CSMD1: variants seen among roughly 807,000 people sequenced by gnomAD.
CSMD1 encodes the protein CUB and sushi domain-containing protein 1.
Under a neutral mutation model 417.5 loss-of-function variants are expected in CSMD1, and 213 were observed. The ratio of observed to expected loss-of-function variants is 0.51; its 90% confidence interval spans 0.46 to 0.57. The LOEUF is 0.57. CSMD1 is among the 20% of genes least tolerant of loss of function. The probability of loss-of-function intolerance (pLI) is 0.00; values close to 1 mark genes in which losing one functional copy is unlikely to be tolerated. For missense variants in CSMD1, 6,923 were observed against 4,529.7 expected (o/e 1.53, Z -15.17); for synonymous variants, 2,862 against 1,736.8 (o/e 1.65, Z -16.11).
chr8:3,240,934 T>G (rs1247024927), intron 26 of CSMD1, among the ~76,000 whole-genome samples: 1 of 151,864 alleles, frequency 6.6e-6, no homozygotes, highest in Non-Finnish European at 1.5e-5. Flanking sequence ...CTTTAATCCT[T>G]TTAAAGCATG....
intron 3 of CSMD1, among the ~76,000 whole-genome samples, chr8:4,068,306 T>C (rs78264845): frequency 6.6e-6 from 1 of 152,104 alleles, no homozygotes; most frequent in Admixed American, 6.6e-5. Context: ...GGACAGTGTA[T>C]TGCGGGAGAG....
chr8:4,078,878 TTAA>T (rs1320779373), intron 3 of CSMD1, among the ~76,000 whole-genome samples: 10 of 126,658 alleles, frequency 7.9e-5, no homozygotes, highest in African/African-American at 2.3e-4. Context: ...TCTACTAAAA[TTAA>T]TAATAATAAT....
chr8:3,023,712 G>A (rs1302161597), intron 51 of CSMD1, among the ~76,000 whole-genome samples: 5 of 152,054 alleles, frequency 3.3e-5, no homozygotes, highest in Non-Finnish European at 5.9e-5. Context: ...AGGTGATCAA[G>A]GCTCACCTCT....
chr8:3,848,426 G>C (rs1010010439), intron 5 of CSMD1, among the ~76,000 whole-genome samples: 16 of 152,128 alleles, frequency 1.1e-4, no homozygotes, highest in African/African-American at 3.4e-4. Context: ...ACACAATTAG[G>C]AGTTATTTCA....
chr8:3,660,205 G>T (rs13281956), intron 7 of CSMD1, among the ~76,000 whole-genome samples: 1 of 151,980 alleles, frequency 6.6e-6, no homozygotes, highest in African/African-American at 2.4e-5. Flanking sequence ...TTGGGAGCCC[G>T]CAATTATCTA....
intron 3 of CSMD1, among the ~76,000 whole-genome samples, chr8:4,289,816 C>A (rs1797262752): frequency 6.6e-6 from 1 of 152,152 alleles, no homozygotes; most frequent in Non-Finnish European, 1.5e-5. Flanking sequence ...GCCATGTGTT[C>A]ACAAACTAAT....
At chr8:4,928,566 C>T (rs4433166) in intron 1 of CSMD1, among the ~76,000 whole-genome samples, 1 of 152,140 alleles carries the variant, frequency 6.6e-6, no homozygotes, top group Non-Finnish European at 1.5e-5. Flanking sequence ...TCCAGTCTTG[C>T]AGATGTGCAC....
At chr8:4,293,675 C>A (rs1797503918) in intron 3 of CSMD1, among the ~76,000 whole-genome samples, 1 of 152,086 alleles carries the variant, frequency 6.6e-6, no homozygotes, top group African/African-American at 2.4e-5. Context: ...TAAATAATAA[C>A]AATCATATCT....
chr8:4,017,422 C>G (rs1015355166), intron 4 of CSMD1, among the ~76,000 whole-genome samples: 2 of 152,134 alleles, frequency 1.3e-5, no homozygotes, highest in African/African-American at 4.8e-5. Context: ...TCTCCTGCCT[C>G]ACTCTTCCTG....
At chr8:4,274,044 G>A (rs1465240658) in intron 3 of CSMD1, among the ~76,000 whole-genome samples, 1 of 152,140 alleles carries the variant, frequency 6.6e-6, no homozygotes, top group Non-Finnish European at 1.5e-5. Context: ...TAAATGCAGA[G>A]TTGAAGTAAG....
At chr8:3,894,909 A>C (rs984140174) in intron 5 of CSMD1, among the ~76,000 whole-genome samples, 3 of 152,204 alleles carry the variant, frequency 2.0e-5, no homozygotes, top group African/African-American at 7.2e-5. Context: ...GTGGGTTCCT[A>C]GTATTCAACA....
At chr8:4,160,591 T>A (rs1797097009) in intron 3 of CSMD1, among the ~76,000 whole-genome samples, 1 of 152,222 alleles carries the variant, frequency 6.6e-6, no homozygotes, top group Non-Finnish European at 1.5e-5. Context: ...GGCTGAAGCC[T>A]CCATTTACAC....
intron 3 of CSMD1, among the ~76,000 whole-genome samples, chr8:4,377,978 G>C (rs1802863083): frequency 6.6e-6 from 1 of 152,148 alleles, no homozygotes. Flanking sequence ...GAATTGTAGT[G>C]CTGTCAACAA....
At chr8:4,858,163 C>A (rs1420228874) in intron 1 of CSMD1, among the ~76,000 whole-genome samples, 1 of 149,554 alleles carries the variant, frequency 6.7e-6, no homozygotes, top group Admixed American at 6.6e-5. Flanking sequence ...AAGACAAAAA[C>A]CACATGATTA....
At chr8:3,209,011 A>G (rs1797454508) in intron 30 of CSMD1, among the ~76,000 whole-genome samples, 1 of 152,224 alleles carries the variant, frequency 6.6e-6, no homozygotes, top group Non-Finnish European at 1.5e-5. Flanking sequence ...ACTCTAATAC[A>G]TGTTTCAAAG....
chr8:3,472,057 T>G (rs1043564332), intron 11 of CSMD1, among the ~76,000 whole-genome samples: 6 of 152,128 alleles, frequency 3.9e-5, no homozygotes, highest in African/African-American at 1.4e-4. Context: ...ATGACTCTAC[T>G]GCTGTCCATC....
rs966177504 is a variant in CSMD1, at chr8:3,104,565, T to G, written c.6949+1963A>C. On this transcript the variant is annotated intron_variant, in intron 46 of 69. Coordinates refer to ENST00000635120, the MANE Select transcript of CSMD1 (RefSeq NM_033225.6). ...TTCAAAAAAAAAATCTAAGTTATTATGGATATCTGATAATAATTCATTCCA... is the reference window on the plus strand; with the variant it reads ...TTCAAAAAAAAAATCTAAGTTATTAGGGATATCTGATAATAATTCATTCCA... Among the ~76,000 whole-genome samples the G allele has an allele frequency of 2.0e-5, 3 of 152,216 alleles. No homozygotes were observed. The East Asian group carries it at 5.8e-4, about 29-fold the overall frequency.
chr8:3,907,444 A>G (rs1377017078), intron 5 of CSMD1, among the ~76,000 whole-genome samples: 1 of 152,180 alleles, frequency 6.6e-6, no homozygotes, highest in Non-Finnish European at 1.5e-5. Context: ...GATAAAGCAA[A>G]GCTGTCGAGG....
intron 5 of CSMD1, among the ~76,000 whole-genome samples, chr8:3,801,958 A>G (rs1460526623): frequency 6.6e-6 from 1 of 152,132 alleles, no homozygotes; most frequent in African/African-American, 2.4e-5. Context: ...ATGACTGATA[A>G]TAGGTACAGA....
Sources: gnomAD v4.1 joint callset for allele counts (sites outside exome capture counted in the v4.1 genomes callset) on GRCh38, gnomAD v4.1.1 for gene constraint, MANE v1.5 for transcripts, NCBI Gene and HGNC (gene_info 2026-07-23, HGNC 2026-07-21) for gene names.